The following RFTN1 variants were observed in gnomAD, a reference collection of about 807,000 sequenced individuals.
RFTN1 encodes raftlin.
In RFTN1, 26 loss-of-function variants were observed where a neutral mutation model predicts 46.5. The observed-to-expected ratio is 0.56, with a 90% CI of 0.41 to 0.78. The LOEUF is 0.78. RFTN1 is among the 30% of genes least tolerant of loss of function. The pLI is 0.00. For synonymous variants in RFTN1, 261 were observed against 284.2 expected (o/e 0.92, Z 0.82); for missense variants, 693 against 718.7 (o/e 0.96, Z 0.41).
rs748707306 is a variant in RFTN1, at chr3:16,370,227, C to A, written c.879G>T (p.Arg293=). The change falls in exon 6 of 10, where the codon CGG becomes CGT. Residue 293 remains arginine, a synonymous_variant. Coordinates refer to ENST00000334133, the MANE Select transcript of RFTN1 (RefSeq NM_015150.2). This position sits in a 1 kb window ranked among gnomAD's most constrained non-coding sequence, Gnocchi z 5.5. The part of the protein sequence containing the change: ...FNKPKSHQKC[R]QYYPVTIPLH... ...GAGGAATGGTGACAGGGTAGTATTG[C>A]CGGCACTTCTGATGGCTCTTCGGTT... 6.2e-7 allele frequency: 1 copy of A among 1,614,134 alleles called. No homozygotes were observed. Among genetic ancestry groups the A allele is most frequent in the Non-Finnish European group, 8.5e-7 (1 of 1,180,028 alleles).
At chr3:16,436,077 G>GA (rs11291166) in intron 2 of RFTN1, among the ~76,000 whole-genome samples, 8 of 149,420 alleles carry the variant, frequency 5.4e-5, no homozygotes, top group Non-Finnish European at 8.9e-5. Flanking sequence ...ATTCTCAGTG[G>GA]AAAAAAAAAG....
In RFTN1 at chr3:16,322,380, T is replaced by C. The variant is rs1410010440; in HGVS notation, c.1332+996A>G. On this transcript the variant is annotated intron_variant, in intron 9 of 9. Transcript: ENST00000334133. The surrounding 1 kb of genome is among the most constrained non-coding windows in gnomAD (Gnocchi z 6.2). ...GGGCTGCTCCAATCTGTTCATTTAC[T>C]TGATGCTCCTTCCCAGGGCTCTGTG... Among the ~76,000 whole-genome samples the C allele has an allele frequency of 6.6e-6, 1 of 152,206 alleles. No individual in the cohort carries two copies. Among genetic ancestry groups the C allele is most frequent in the Non-Finnish European group, 1.5e-5 (1 of 68,038 alleles).
rs1442176310 is a variant in RFTN1 at position 16,370,545 on chromosome 3, T to C, written c.827-266A>G. Among the ~76,000 whole-genome samples the C allele has an allele frequency of 6.6e-6, 1 of 152,230 alleles. No individual in the cohort carries two copies. The highest frequency in any genetic ancestry group is 1.5e-5 in the Non-Finnish European group (1 of 68,046). On this transcript the variant is annotated intron_variant, in intron 5 of 9. Transcript: ENST00000334133. This position sits in a 1 kb window ranked among gnomAD's most constrained non-coding sequence, Gnocchi z 5.5. The stretch of plus-strand genomic sequence containing the variant: ...TCTGGAATATAATGAATAGCTGTTA[T>C]CTGCGATTAATAGGCACAGCTAGGT...
chr3:16,411,777 T>C (rs894300943), intron 3 of RFTN1, among the ~76,000 whole-genome samples: 4 of 152,214 alleles, frequency 2.6e-5, no homozygotes, highest in Non-Finnish European at 5.9e-5. Flanking sequence ...AATCCAGCTG[T>C]TCTGTTACAT....
In RFTN1 at chr3:16,348,849, A is replaced by G. The variant is rs565043944; in HGVS notation, c.1146+9083T>C. Among the ~76,000 whole-genome samples the G allele has an allele frequency of 9.8e-5, 15 of 152,316 alleles. No homozygotes were observed. The South Asian group carries it at 2.7e-3, about 27-fold the overall frequency. ...AAGCAGGAGGACTGGTTTTGGTCCA[A>G]TAGCCCATCATCTCTGTGTCCTGCC... On this transcript the variant is annotated intron_variant, in intron 7 of 9. Transcript: ENST00000334133. The surrounding 1 kb of genome is among the most constrained non-coding windows in gnomAD (Gnocchi z 6.3).
chr3:16,469,132 G>A (rs997524417), intron 2 of RFTN1, among the ~76,000 whole-genome samples: 2 of 152,266 alleles, frequency 1.3e-5, no homozygotes, highest in African/African-American at 4.8e-5. Context: ...TATTGAAGAA[G>A]TCAAGGGCAT....
intron 4 of RFTN1, among the ~76,000 whole-genome samples, chr3:16,406,704 T>C (rs769220737): frequency 1.3e-5 from 2 of 152,064 alleles, no homozygotes; most frequent in Non-Finnish European, 2.9e-5. Flanking sequence ...AACTGAGACT[T>C]TGAGCAAAAT....
intron 2 of RFTN1, chr3:16,482,926 C>T: frequency 8.8e-7 from 1 of 1,131,730 alleles, no homozygotes; most frequent in African/African-American, 1.5e-5. Flanking sequence ...CCGCCCCACC[C>T]AACTCTGACC....
At position 16,457,109 on chromosome 3, in the gene RFTN1, C is replaced by T. The variant is rs1202858831; in HGVS notation, c.146-23072G>A. The stretch of plus-strand genomic sequence containing the variant: ...ACAGGCTCTTTAATCTTTTACAGTT[C>T]ACCACATTTGTTTTACAGCCTCTGC... On this transcript the variant is annotated intron_variant, in intron 2 of 9. Coordinates refer to ENST00000334133, the MANE Select transcript of RFTN1 (RefSeq NM_015150.2). This position sits in a 1 kb window ranked among gnomAD's most constrained non-coding sequence, Gnocchi z 4.2. 6.6e-6 allele frequency among the ~76,000 whole-genome samples: 1 copy of T among 152,188 alleles called. No individual in the cohort carries two copies. The highest frequency in any genetic ancestry group is 1.9e-4 in the East Asian group (1 of 5,206).
In RFTN1 at chr3:16,384,423, C is replaced by T. The variant is rs1191528295; in HGVS notation, c.442-6321G>A. 6.6e-6 allele frequency among the ~76,000 whole-genome samples: 1 copy of T among 152,208 alleles called. No homozygotes were observed. Among genetic ancestry groups the T allele is most frequent in the Non-Finnish European group, 1.5e-5 (1 of 68,034 alleles). The stretch of plus-strand genomic sequence containing the variant: ...CTCCCAAATGACAGTGAGCCCCAAA[C>T]AGAAACAAGACAACTAGGACTTCAT... On this transcript the variant is annotated intron_variant, in intron 4 of 9. Coordinates refer to ENST00000334133, the MANE Select transcript of RFTN1 (RefSeq NM_015150.2). This position sits in a 1 kb window ranked among gnomAD's most constrained non-coding sequence, Gnocchi z 4.7.
At chr3:16,492,396 C>G (rs961397756) in intron 2 of RFTN1, among the ~76,000 whole-genome samples, 2 of 152,156 alleles carry the variant, frequency 1.3e-5, no homozygotes, top group African/African-American at 2.4e-5. Context: ...ACATATCTAC[C>G]CCATTCTAAT....
At chr3:16,403,837 A>T in intron 4 of RFTN1, among the ~76,000 whole-genome samples, 1 of 7,508 alleles carries the variant, frequency 1.3e-4, no homozygotes, top group African/African-American at 1.2e-3. Flanking sequence ...ATATATAAAT[A>T]TAATATAATA....
intron 4 of RFTN1, among the ~76,000 whole-genome samples, chr3:16,395,558 C>A (rs372285012): frequency 2.0e-4 from 30 of 151,940 alleles, no homozygotes; most frequent in African/African-American, 4.4e-4. Flanking sequence ...AGATCCACCC[C>A]CCTCGGCCTC....
intron 2 of RFTN1, among the ~76,000 whole-genome samples, chr3:16,478,408 C>G (rs2076317082): frequency 6.6e-6 from 1 of 152,198 alleles, no homozygotes; most frequent in African/African-American, 2.4e-5. Flanking sequence ...TAATAAGCAG[C>G]AGAGCCAGAA....
chr3:16,477,693 C>T (rs79664533), intron 2 of RFTN1, among the ~76,000 whole-genome samples: 5,902 of 152,280 alleles, frequency 0.039, 377 homozygotes, highest in African/African-American at 0.13. Context: ...GCTGCCCACA[C>T]TTCCAATTCC....
intron 3 of RFTN1, among the ~76,000 whole-genome samples, chr3:16,420,918 C>T (rs2075171439): frequency 1.3e-5 from 2 of 152,146 alleles, no homozygotes; most frequent in South Asian, 4.1e-4. Flanking sequence ...TCTAAGAGCT[C>T]CCAGGTGATG....
At position 16,320,373 on chromosome 3, in the gene RFTN1, A is replaced by C. The variant is rs963968848; in HGVS notation, c.1332+3003T>G. 1.3e-5 allele frequency among the ~76,000 whole-genome samples: 2 copies of C among 152,198 alleles called. No homozygotes were observed. The highest frequency in any genetic ancestry group is 4.8e-5 in the African/African-American group (2 of 41,454). On this transcript the variant is annotated intron_variant, in intron 9 of 9. Transcript: ENST00000334133. This position sits in a 1 kb window ranked among gnomAD's most constrained non-coding sequence, Gnocchi z 4.5. Reference sequence around the variant, plus strand: ...CACATCCTCGGTGTGCCAATCTTGCAGTTTCTTTTCTTAAGTTTTAATGCT... The same window carrying C: ...CACATCCTCGGTGTGCCAATCTTGCCGTTTCTTTTCTTAAGTTTTAATGCT...
In RFTN1 at chr3:16,418,114, T is replaced by C. The variant is rs2075118934; in HGVS notation, c.333-8631A>G. On this transcript the variant is annotated intron_variant, in intron 3 of 9. Coordinates refer to ENST00000334133, the MANE Select transcript of RFTN1 (RefSeq NM_015150.2). The surrounding 1 kb of genome is among the most constrained non-coding windows in gnomAD (Gnocchi z 5.0). ...TGTTGTAACAAGTACTGCTAACACTTATGAGTGCTTTCAATATTGGTAATT... is the reference window on the plus strand; with the variant it reads ...TGTTGTAACAAGTACTGCTAACACTCATGAGTGCTTTCAATATTGGTAATT... Among the ~76,000 whole-genome samples, 1 of 152,170 alleles carries C rather than the reference T, an allele frequency of 6.6e-6. No individual in the cohort carries two copies. Among genetic ancestry groups the C allele is most frequent in the Admixed American group, 6.5e-5 (1 of 15,282 alleles).
Position 16,450,389 on chromosome 3 carries a change from G to C in RFTN1, c.146-16352C>G, listed in dbSNP as rs2075803452. 6.6e-6 allele frequency among the ~76,000 whole-genome samples: 1 copy of C among 152,222 alleles called. No individual in the cohort carries two copies. Among genetic ancestry groups the C allele is most frequent in the East Asian group, 1.9e-4 (1 of 5,194 alleles). On this transcript the variant is annotated intron_variant, in intron 2 of 9. Transcript: ENST00000334133. The surrounding 1 kb of genome is among the most constrained non-coding windows in gnomAD (Gnocchi z 4.6). ...AAGAGATAGTGTCTGGCCACATCCA[G>C]GTGCACAGAGGTGGTGGCCTCAGAG... is the stretch of plus-strand genomic sequence containing the variant.
Sources: allele counts gnomAD v4.1 joint callset (sites outside exome capture counted in the v4.1 genomes callset), GRCh38; gene constraint gnomAD v4.1.1; non-coding constraint Gnocchi (gnomAD v3.1); transcripts MANE v1.5; gene names NCBI Gene and HGNC (gene_info 2026-07-23, HGNC 2026-07-21).